Variants in FGGY observed in about 807,000 individuals in gnomAD.
FGGY encodes FGGY carbohydrate kinase domain-containing protein.
FGGY carries 72 observed loss-of-function variants against 71.3 expected under a neutral mutation model. That is an observed-to-expected ratio of 1.01 (90% confidence interval 0.84 to 1.23). The LOEUF (loss-of-function observed/expected upper bound fraction) is 1.23, where lower values mean the gene tolerates loss of function less well. FGGY is among the 50% of genes most tolerant of loss of function. The pLI is 0.00. For missense variants in FGGY, 668 were observed against 682.3 expected (o/e 0.98, Z 0.23); for synonymous variants, 251 against 250.3 (o/e 1.00, Z -0.02).
intron 6 of FGGY, among the ~76,000 whole-genome samples, chr1:59,476,167 A>G (rs980783014): frequency 5.3e-5 from 8 of 152,162 alleles, no homozygotes; most frequent in South Asian, 2.1e-4. Context: ...CTCAGCTTCA[A>G]TGTCATCAGA....
intron 7 of FGGY, among the ~76,000 whole-genome samples, chr1:59,524,062 G>A (rs1364387211): frequency 1.3e-5 from 2 of 152,350 alleles, no homozygotes; most frequent in African/African-American, 4.8e-5. Flanking sequence ...AGGGGCCCAG[G>A]AAGCCCCCCT....
In FGGY at chr1:59,553,985, G is replaced by C. The variant is rs559692296; in HGVS notation, c.800-139G>C. ...AAGTATGCCCTTTGGGTTTCTCCTT[G>C]AGACTGCCCTACACACAGGACCCTT... On this transcript the variant is annotated intron_variant, in intron 7 of 15. Coordinates refer to ENST00000303721, the MANE Select transcript of FGGY (RefSeq NM_018291.5). 52 of 595,708 alleles carry C rather than the reference G, an allele frequency of 8.7e-5. 1 individual carries two copies. In the South Asian group the frequency reaches 1.6e-3, roughly 18 times the overall value. 36.9% of individuals were successfully genotyped at this position (595,708 alleles called of 1,614,324 possible).
chr1:59,399,253 A>C (rs899991118), intron 5 of FGGY, among the ~76,000 whole-genome samples: 6 of 152,094 alleles, frequency 3.9e-5, no homozygotes, highest in African/African-American at 1.4e-4. Flanking sequence ...GAGTTTAAAT[A>C]CCCCTTTGTC....
At chr1:59,650,306 A>G (rs1572642379) in intron 11 of FGGY, among the ~76,000 whole-genome samples, 1 of 139,714 alleles carries the variant, frequency 7.2e-6, no homozygotes, top group Non-Finnish European at 1.5e-5. Flanking sequence ...TATTGATTGG[A>G]ATAGTTTCAG....
chr1:59,748,209 T>C (rs755293879), intron 14 of FGGY, among the ~76,000 whole-genome samples: 2 of 151,692 alleles, frequency 1.3e-5, no homozygotes, highest in East Asian at 1.9e-4. Context: ...GGAGCTTAGA[T>C]TCAGGAGGGA....
At chr1:59,744,793 T>C (rs1052075757) in intron 14 of FGGY, among the ~76,000 whole-genome samples, 10 of 152,254 alleles carry the variant, frequency 6.6e-5, no homozygotes, top group Non-Finnish European at 5.9e-5. Flanking sequence ...TTTATATCAA[T>C]TTTGGGGAAT....
intron 11 of FGGY, among the ~76,000 whole-genome samples, chr1:59,646,573 T>C (rs972624485): frequency 2.6e-5 from 4 of 151,524 alleles, no homozygotes; most frequent in Non-Finnish European, 5.9e-5. Context: ...AAAAAATATA[T>C]ATATTTTACT....
At chr1:59,547,555 A>G (rs2095545960) in intron 7 of FGGY, among the ~76,000 whole-genome samples, 1 of 151,984 alleles carries the variant, frequency 6.6e-6, no homozygotes, top group South Asian at 2.1e-4. Context: ...GGAAAACTTT[A>G]CTCTCCTTTT....
intron 4 of FGGY, among the ~76,000 whole-genome samples, chr1:59,349,489 C>T (rs959339607): frequency 6.6e-6 from 1 of 152,134 alleles, no homozygotes; most frequent in Non-Finnish European, 1.5e-5. Context: ...ATATCTGGCA[C>T]GAACCTCTCA....
intron 7 of FGGY, among the ~76,000 whole-genome samples, chr1:59,546,646 A>G (rs2095530363): frequency 6.6e-6 from 1 of 151,348 alleles, no homozygotes; most frequent in South Asian, 2.1e-4. Context: ...TCCCAGGTTC[A>G]CGCCATTCTC....
intron 8 of FGGY, among the ~76,000 whole-genome samples, chr1:59,569,301 T>C (rs1231143336): frequency 1.3e-5 from 2 of 152,186 alleles, no homozygotes; most frequent in Non-Finnish European, 2.9e-5. Flanking sequence ...ATGATCCTAA[T>C]ATATTCAGAT....
intron 14 of FGGY, among the ~76,000 whole-genome samples, chr1:59,683,452 A>G (rs2097521192): frequency 6.6e-6 from 1 of 152,242 alleles, no homozygotes. Context: ...TATGCTATGC[A>G]TGATTCCTGG....
chr1:59,486,970 GA>G (rs1027878340), intron 6 of FGGY, among the ~76,000 whole-genome samples: 1 of 152,064 alleles, frequency 6.6e-6, no homozygotes, highest in Admixed American at 6.6e-5. Context: ...TAGGTTGTAT[GA>G]AAAAAATCTA....
chr1:59,656,796 TA>T (rs1277162733), intron 11 of FGGY, among the ~76,000 whole-genome samples: 2 of 150,972 alleles, frequency 1.3e-5, no homozygotes, highest in Admixed American at 1.3e-4. Context: ...CCTTCAAGGA[TA>T]GCTATGTTTT....
intron 14 of FGGY, among the ~76,000 whole-genome samples, chr1:59,726,704 G>A (rs1052171304): frequency 2.0e-5 from 3 of 151,906 alleles, no homozygotes; most frequent in African/African-American, 2.4e-5. Flanking sequence ...ATTTTTAGTT[G>A]CCAATGTTAG....
chr1:59,631,671 C>T (rs2096909738), intron 10 of FGGY, among the ~76,000 whole-genome samples: 1 of 152,272 alleles, frequency 6.6e-6, no homozygotes, highest in Non-Finnish European at 1.5e-5. Flanking sequence ...GTCAGCAAAT[C>T]CTGTTTGAAA....
intron 5 of FGGY, among the ~76,000 whole-genome samples, chr1:59,384,469 G>A (rs67337377): frequency 0.19 from 28,149 of 152,128 alleles, 2,853 homozygotes; most frequent in East Asian, 0.36. Context: ...TTCCTTGATT[G>A]TAGATGGAAA....
chr1:59,442,577 T>C (rs1031766217), intron 5 of FGGY, among the ~76,000 whole-genome samples: 3 of 152,190 alleles, frequency 2.0e-5, no homozygotes, highest in Non-Finnish European at 4.4e-5. Flanking sequence ...TTTACCTCTT[T>C]GTCTTGTGTG....
chr1:59,394,863 C>T (rs1344114603), intron 5 of FGGY, among the ~76,000 whole-genome samples: 6 of 152,078 alleles, frequency 3.9e-5, no homozygotes, highest in Non-Finnish European at 7.4e-5. Context: ...TGGTCCTTAT[C>T]ACTCACCAGC....
Sources: allele counts gnomAD v4.1 joint callset (sites outside exome capture counted in the v4.1 genomes callset), GRCh38; gene constraint gnomAD v4.1.1; transcripts MANE v1.5; gene names NCBI Gene and HGNC (gene_info 2026-07-23, HGNC 2026-07-21).